CIT: variants seen among roughly 807,000 people sequenced by gnomAD.
CIT encodes the protein citron rho-interacting serine/threonine kinase.
Under a neutral mutation model 272.7 loss-of-function variants are expected in CIT, and 79 were observed. The observed-to-expected ratio is 0.29, with a 90% CI of 0.24 to 0.35. The LOEUF (loss-of-function observed/expected upper bound fraction) is 0.35, where lower values mean the gene tolerates loss of function less well. CIT is among the 10% of genes least tolerant of loss of function. The probability of loss-of-function intolerance (pLI) is 1.00; values close to 1 mark genes in which losing one functional copy is unlikely to be tolerated. For missense variants in CIT, 1,909 were observed against 2,618.3 expected (o/e 0.73, Z 5.91); for synonymous variants, 948 against 995.6 (o/e 0.95, Z 0.90).
intron 32 of CIT, among the ~76,000 whole-genome samples, chr12:119,716,353 T>C (rs1957476850): frequency 1.8e-5 from 2 of 114,266 alleles, no homozygotes; most frequent in Admixed American, 2.6e-4. Context: ...TCTCCAAGCC[T>C]GGGCGACAGA....
chr12:119,701,607 G>A lies in CIT; in HGVS notation c.5542+17C>T. 1 of 1,611,498 alleles carries A rather than the reference G, an allele frequency of 6.2e-7. No individual in the cohort carries two copies. The highest frequency in any genetic ancestry group is 8.5e-7 in the Non-Finnish European group (1 of 1,178,838). Reference sequence around the variant, plus strand: ...CCATGAGGACCCAAAAGGGCAGTGGGCGCAGCCACGACTCACCGTGGAAAC... The same window carrying A: ...CCATGAGGACCCAAAAGGGCAGTGGACGCAGCCACGACTCACCGTGGAAAC... On this transcript the variant is annotated intron_variant, in intron 43 of 47. Coordinates refer to ENST00000392521, the MANE Select transcript of CIT (RefSeq NM_001206999.2).
At chr12:119,706,496 T>C (rs1047009617) in intron 40 of CIT, among the ~76,000 whole-genome samples, 2 of 152,078 alleles carry the variant, frequency 1.3e-5, no homozygotes, top group African/African-American at 4.8e-5. Context: ...TGTCCATGTG[T>C]TCTCATCATT....
Position 119,688,274 on chromosome 12 carries a change from G to C in CIT, c.6187-19C>G, listed in dbSNP as rs372542530. 1 of 1,613,252 alleles carries C rather than the reference G, an allele frequency of 6.2e-7. No individual in the cohort carries two copies. The highest frequency in any genetic ancestry group is 1.3e-5 in the African/African-American group (1 of 74,822). On this transcript the variant is annotated intron_variant, in intron 47 of 47. Transcript: ENST00000392521. ...CCCAGACCTAGGAGTGAAATAAGGA[G>C]GAGTGTTAGCCATCCGAGGCCAGAA... is the stretch of plus-strand genomic sequence containing the variant.
At chr12:119,852,625 C>G (rs2138265459) in intron 4 of CIT, among the ~76,000 whole-genome samples, 1 of 151,832 alleles carries the variant, frequency 6.6e-6, no homozygotes, top group Non-Finnish European at 1.5e-5. Context: ...TCACTGGAAC[C>G]CGGGGGCAGA....
chr12:119,765,931 C>T (rs181864996), intron 19 of CIT, among the ~76,000 whole-genome samples: 10 of 152,308 alleles, frequency 6.6e-5, no homozygotes, highest in African/African-American at 2.4e-4. Context: ...AAAGAGATAT[C>T]TGCACTCCCA....
Position 119,690,249 on chromosome 12 carries a change from T to C in CIT, c.6088A>G (p.Thr2030Ala), listed in dbSNP as rs1955862753. 1.9e-6 allele frequency: 3 copies of C among 1,568,242 alleles called. No homozygotes were observed. Among genetic ancestry groups the C allele is most frequent in the Non-Finnish European group, 2.6e-6 (3 of 1,167,750 alleles). ...REKSPGRMLSTRRERSPGRLF... is the reference protein window; with the variant it reads ...REKSPGRMLSARRERSPGRLF... ...CTCCCGGGGGACCGCTCTCTCCGCG[T>C]GCTGAGCATCCGGCCGGGGGACTTC... The change falls in exon 47 of 48, where the codon ACG becomes GCG. Residue 2030 changes from threonine (T) to alanine (A), a missense_variant. Thr to Ala is a moderately conservative substitution (Grantham distance 58, BLOSUM62 0). Transcript: ENST00000392521. This position sits in a 1 kb window ranked among gnomAD's most constrained non-coding sequence, Gnocchi z 6.0.
intron 32 of CIT, among the ~76,000 whole-genome samples, chr12:119,716,880 T>C (rs1957518599): frequency 6.6e-6 from 1 of 152,174 alleles, no homozygotes; most frequent in African/African-American, 2.4e-5. Context: ...GTGAATTGCA[T>C]GCTCACACCA....
At chr12:119,815,303 C>T (rs886481440) in intron 9 of CIT, among the ~76,000 whole-genome samples, 1 of 150,634 alleles carries the variant, frequency 6.6e-6, no homozygotes, top group Non-Finnish European at 1.5e-5. Context: ...AAACCAATGG[C>T]TGAGTGGCAG....
chr12:119,869,442 C>T (rs1323085108), intron 2 of CIT, among the ~76,000 whole-genome samples: 4 of 152,144 alleles, frequency 2.6e-5, no homozygotes, highest in Admixed American at 1.3e-4. Context: ...ACTGCACAAG[C>T]GTGGCCATTA....
At chr12:119,707,862 C>A (rs1237862995) in intron 40 of CIT, among the ~76,000 whole-genome samples, 1 of 152,222 alleles carries the variant, frequency 6.6e-6, no homozygotes, top group African/African-American at 2.4e-5. Flanking sequence ...GACTATCTGT[C>A]CAACCTTAGA....
intron 10 of CIT, among the ~76,000 whole-genome samples, chr12:119,799,339 G>A (rs185433704): frequency 3.9e-5 from 6 of 152,174 alleles, no homozygotes; most frequent in East Asian, 1.9e-4. Flanking sequence ...ATCCATCCCC[G>A]CAAAAGTCCT....
Position 119,834,117 on chromosome 12 carries a change from G to A in CIT, c.628C>T (p.His210Tyr), listed in dbSNP as rs776943383. Residue 210 changes from histidine (H) to tyrosine (Y), a missense_variant, in exon 6 of 48, where the codon CAC (histidine) becomes TAC (tyrosine). His to Tyr is a moderately conservative substitution (Grantham distance 83). Transcript: ENST00000392521. ...FYLAELILAVHSVHLMGYVHR... is the reference protein window; with the variant it reads ...FYLAELILAVYSVHLMGYVHR... ...ACGTATCCCATCAGATGAACGCTGT[G>A]AACAGCCAAAATCAGCTCAGCTAGG... 7.4e-6 allele frequency: 12 copies of A among 1,613,896 alleles called. No homozygotes were observed. The Admixed American group carries it at 1.0e-4, about 13-fold the overall frequency.
intron 9 of CIT, among the ~76,000 whole-genome samples, chr12:119,810,841 G>A (rs1245283303): frequency 6.6e-6 from 1 of 151,994 alleles, no homozygotes; most frequent in Non-Finnish European, 1.5e-5. Flanking sequence ...ATCCCATATC[G>A]AAGTCTCATG....
chr12:119,742,760 C>A, intron 23 of CIT: 1 of 260,680 alleles, frequency 3.8e-6, no homozygotes, highest in African/African-American at 2.2e-5. Context: ...GGAAAAAAAG[C>A]AATAAAGGAT....
At chr12:119,709,042 A>T (rs1177700089) in intron 39 of CIT, among the ~76,000 whole-genome samples, 1 of 152,246 alleles carries the variant, frequency 6.6e-6, no homozygotes, top group Admixed American at 6.5e-5. Flanking sequence ...AGGAGACTAG[A>T]GAGACATGAT....
intron 46 of CIT, among the ~76,000 whole-genome samples, chr12:119,696,558 A>C (rs1453998539): frequency 6.6e-6 from 1 of 151,502 alleles, no homozygotes; most frequent in African/African-American, 2.4e-5. Flanking sequence ...ATAGGGTCTC[A>C]CTCTGTGCCC....
chr12:119,798,555 G>A (rs538797033), intron 10 of CIT, among the ~76,000 whole-genome samples: 29 of 152,262 alleles, frequency 1.9e-4, no homozygotes, highest in African/African-American at 6.3e-4. Context: ...AGGATGGGCT[G>A]TTGTTAGCAC....
intron 44 of CIT, 26 bp from the exon 45 acceptor site, chr12:119,698,080 T>C (rs1956330387): frequency 6.2e-7 from 1 of 1,601,868 alleles, no homozygotes; most frequent in Non-Finnish European, 8.6e-7. Flanking sequence ...GCAGGCACAG[T>C]GTGGGCCAAA....
intron 17 of CIT, among the ~76,000 whole-genome samples, chr12:119,771,732 C>T (rs1963168780): frequency 6.6e-6 from 1 of 152,112 alleles, no homozygotes; most frequent in African/African-American, 2.4e-5. Flanking sequence ...ATTAGATTTT[C>T]TCAGCCAAGA....
Sources: gnomAD v4.1 joint callset for allele counts (sites outside exome capture counted in the v4.1 genomes callset) on GRCh38, gnomAD v4.1.1 for gene constraint, Gnocchi (gnomAD v3.1) non-coding constraint, MANE v1.5 for transcripts, NCBI Gene and HGNC (gene_info 2026-07-23, HGNC 2026-07-21) for gene names.